Variants in PPARGC1A observed in about 807,000 individuals in gnomAD.
The protein encoded by PPARGC1A is peroxisome proliferator-activated receptor gamma coactivator 1-alpha.
In PPARGC1A, 25 loss-of-function variants were observed where a neutral mutation model predicts 88.7. The ratio of observed to expected loss-of-function variants is 0.28; its 90% CI spans 0.21 to 0.39. PPARGC1A has a LOEUF of 0.39. Ranked by LOEUF, PPARGC1A falls within the 10% of genes least tolerant of loss-of-function variation. PPARGC1A has a pLI of 1.00. For synonymous variants in PPARGC1A, 363 were observed against 355.6 expected, an observed-to-expected ratio of 1.02 and a Z score of -0.24; for missense variants, 880 against 968.7, an observed-to-expected ratio of 0.91 and a Z score of 1.22.
chr4:23,888,700 G>C (rs771659728), intron 1 of PPARGC1A, among the ~76,000 whole-genome samples: 11 of 152,128 alleles, frequency 7.2e-5, no homozygotes, highest in African/African-American at 2.7e-4. Flanking sequence ...TAAGAATCCC[G>C]GGCATGCCTC....
intron 2 of PPARGC1A, among the ~76,000 whole-genome samples, chr4:23,861,272 T>C (rs1047890136): frequency 4.6e-5 from 7 of 152,212 alleles, no homozygotes; most frequent in African/African-American, 1.7e-4. Flanking sequence ...ATGAACATGC[T>C]GAAGTGGAAT....
At chr4:24,114,092 C>A in the PPARGC1A span, among the ~76,000 whole-genome samples, 4 of 144,100 alleles carry the variant, frequency 2.8e-5, no homozygotes, top group South Asian at 2.2e-4. Context: ...CCACTGCACT[C>A]CAGCCTGGGA....
chr4:23,844,688 TAATATATGATCTATCATAA>T (rs1727821878), intron 2 of PPARGC1A, among the ~76,000 whole-genome samples: 2 of 101,400 alleles, frequency 2.0e-5, no homozygotes, highest in Admixed American at 1.7e-4. Context: ...ATATATCATA[TAATATATGATCTATCATAA>T]TATATGATAT....
intron 2 of PPARGC1A, among the ~76,000 whole-genome samples, chr4:23,847,257 A>G (rs1375829797): frequency 1.3e-5 from 2 of 152,182 alleles, no homozygotes; most frequent in African/African-American, 2.4e-5. Flanking sequence ...ATCAGTGAGA[A>G]CCAGCTGTGG....
At chr4:24,106,340 G>T in the PPARGC1A span, among the ~76,000 whole-genome samples, 1 of 152,160 alleles carries the variant, frequency 6.6e-6, no homozygotes, top group African/African-American at 2.4e-5. Flanking sequence ...ATCATTTCCT[G>T]GGCTAGAAGA....
chr4:23,906,620 A>AG (rs1378595670), upstream of PPARGC1A, among the ~76,000 whole-genome samples: 1 of 151,862 alleles, frequency 6.6e-6, no homozygotes, highest in African/African-American at 2.4e-5. Context: ...AAAAAAAAAA[A>AG]AAAAAAAGAA....
intron 2 of PPARGC1A, among the ~76,000 whole-genome samples, chr4:23,832,263 T>C (rs1725146620): frequency 6.6e-6 from 1 of 152,210 alleles, no homozygotes; most frequent in African/African-American, 2.4e-5. Context: ...GTTTCAATTA[T>C]AATCTCATCA....
At chr4:24,078,711 T>C in the PPARGC1A span, among the ~76,000 whole-genome samples, 4 of 152,126 alleles carry the variant, frequency 2.6e-5, no homozygotes, top group Non-Finnish European at 4.4e-5. Context: ...AGCTTAAATT[T>C]CAGTATTATT....
At chr4:24,457,574 C>G in the PPARGC1A span, among the ~76,000 whole-genome samples, 40 of 152,128 alleles carry the variant, frequency 2.6e-4, no homozygotes, top group East Asian at 7.7e-3. Context: ...AAGATGGAGT[C>G]TTGCTCTGTC....
chr4:23,859,255 G>A (rs1440563733), intron 2 of PPARGC1A, among the ~76,000 whole-genome samples: 1 of 152,110 alleles, frequency 6.6e-6, no homozygotes, highest in Non-Finnish European at 1.5e-5. Flanking sequence ...GTTAGGCCAA[G>A]ACAAGATTCT....
At chr4:24,472,011 C>T in the PPARGC1A span, among the ~76,000 whole-genome samples, 1 of 152,164 alleles carries the variant, frequency 6.6e-6, no homozygotes, top group Non-Finnish European at 1.5e-5. The surrounding 1 kb of genome is among the most constrained non-coding windows in gnomAD (Gnocchi z 4.5). Context: ...AGGGGCGCGG[C>T]GCCCGCGGCG....
At chr4:24,011,000 T>C in the PPARGC1A span, among the ~76,000 whole-genome samples, 1 of 152,000 alleles carries the variant, frequency 6.6e-6, no homozygotes, top group African/African-American at 2.4e-5. Flanking sequence ...TAATGAGGGG[T>C]AGTGGGTTTC....
the PPARGC1A span, among the ~76,000 whole-genome samples, chr4:24,034,981 A>G: frequency 6.6e-6 from 1 of 152,122 alleles, no homozygotes; most frequent in Non-Finnish European, 1.5e-5. Flanking sequence ...GCCCTCCTAT[A>G]AAGAAACTTG....
the PPARGC1A span, among the ~76,000 whole-genome samples, chr4:24,166,643 G>C: frequency 6.6e-6 from 1 of 152,124 alleles, no homozygotes; most frequent in African/African-American, 2.4e-5. Context: ...CAATAATGAG[G>C]TAAGCAACTC....
At chr4:24,051,204 A>T in the PPARGC1A span, among the ~76,000 whole-genome samples, 1 of 151,198 alleles carries the variant, frequency 6.6e-6, no homozygotes, top group Non-Finnish European at 1.5e-5. Context: ...AAAAAAAAAA[A>T]AAAAAAAACC....
chr4:24,385,509 G>A, the PPARGC1A span, among the ~76,000 whole-genome samples: 1 of 151,984 alleles, frequency 6.6e-6, no homozygotes, highest in Non-Finnish European at 1.5e-5. Context: ...GACTAATAAA[G>A]AAGAAAAGAG....
the PPARGC1A span, among the ~76,000 whole-genome samples, chr4:24,180,764 T>C: frequency 6.6e-5 from 10 of 152,174 alleles, no homozygotes; most frequent in Admixed American, 6.5e-4. Context: ...CCTCAAAGTT[T>C]CTGGTCATTC....
chr4:23,999,119 C>T, the PPARGC1A span, among the ~76,000 whole-genome samples: 1 of 152,152 alleles, frequency 6.6e-6, no homozygotes, highest in Non-Finnish European at 1.5e-5. Context: ...ATGTAGTACT[C>T]CTAGCAAGTG....
At chr4:23,828,226 A>C (rs1311381969) in intron 5 of PPARGC1A, among the ~76,000 whole-genome samples, 174 bp downstream of exon 5, 1 of 152,200 alleles carries the variant, frequency 6.6e-6, no homozygotes, top group Non-Finnish European at 1.5e-5. Flanking sequence ...GAATATGTTT[A>C]ACCTGTGTCC....
Sources: allele counts gnomAD v4.1 joint callset (sites outside exome capture counted in the v4.1 genomes callset), GRCh38; gene constraint gnomAD v4.1.1; non-coding constraint Gnocchi (gnomAD v3.1); transcripts MANE v1.5; gene names NCBI Gene and HGNC (gene_info 2026-07-23, HGNC 2026-07-21).